Variants in DEF6 observed in about 807,000 individuals in gnomAD.
DEF6 encodes differentially expressed in FDCP 6 homolog.
DEF6 carries 32 observed loss-of-function variants against 80.5 expected under a neutral mutation model. The ratio of observed to expected loss-of-function variants is 0.40; its 90% CI spans 0.30 to 0.53. The LOEUF (loss-of-function observed/expected upper bound fraction) is 0.53. Ranked by LOEUF, DEF6 falls within the 20% of genes least tolerant of loss-of-function variation. The pLI is 0.57. For synonymous variants in DEF6, 300 were observed against 337.9 expected (o/e 0.89, Z 1.23); for missense variants, 575 against 818.7 (o/e 0.70, Z 3.63).
chr6:35,310,746 T>C, intron 3 of DEF6, 102 bp downstream of exon 3: 1 of 1,226,656 alleles, frequency 8.2e-7, no homozygotes, highest in Non-Finnish European at 1.2e-6. Flanking sequence ...CATATCCCCT[T>C]TCTTTCTTTA....
intron 5 of DEF6, among the ~76,000 whole-genome samples, chr6:35,317,376 G>T (rs1381881787): frequency 3.3e-5 from 5 of 152,180 alleles, no homozygotes; most frequent in Admixed American, 6.5e-5. Flanking sequence ...TAAAATACTA[G>T]TACAGACTCT....
intron 9 of DEF6, 95 bp from the exon 10 acceptor site, chr6:35,320,789 G>T: frequency 1.9e-6 from 2 of 1,051,034 alleles, no homozygotes; most frequent in Non-Finnish European, 1.4e-6. Context: ...CAGTAGTCTT[G>T]GTCAGATTTT....
chr6:35,318,488 GCGC>G lies in DEF6; in HGVS notation c.1215+20_1215+22del. On this transcript the variant is annotated intron_variant, in intron 7 of 10. Coordinates refer to ENST00000316637, the MANE Select transcript of DEF6 (RefSeq NM_022047.4). This position sits in a 1 kb window ranked among gnomAD's most constrained non-coding sequence, Gnocchi z 5.1. Reference sequence around the variant, plus strand: ...GCGGAGCAGGTGGGGTTAGCTCCCGGCGCCGGGGACGGGACCGGTGGGCTGGGA... The same window carrying G: ...GCGGAGCAGGTGGGGTTAGCTCCCGGCGGGGACGGGACCGGTGGGCTGGGA... 1 of 1,382,858 alleles carries G rather than the reference GCGC, an allele frequency of 7.2e-7. No homozygotes were observed. Among genetic ancestry groups the G allele is most frequent in the Non-Finnish European group, 9.3e-7 (1 of 1,076,974 alleles). The allele number at this position is 1,382,858 out of a possible 1,614,324, so 85.7% of individuals were successfully genotyped here.
intron 1 of DEF6, among the ~76,000 whole-genome samples, chr6:35,300,930 A>C (rs979502823): frequency 7.9e-5 from 12 of 152,256 alleles, no homozygotes; most frequent in African/African-American, 2.9e-4. Context: ...CCCACTGACT[A>C]TCAGGCAGTG....
At chr6:35,316,381 G>A (rs1054214635) in intron 5 of DEF6, among the ~76,000 whole-genome samples, 1 of 152,058 alleles carries the variant, frequency 6.6e-6, no homozygotes, top group Non-Finnish European at 1.5e-5. Context: ...TTTCCAGTTT[G>A]GATGCCCTTC....
At chr6:35,298,040 C>A in intron 1 of DEF6, 88 bp downstream of exon 1, 1 of 1,176,216 alleles carries the variant, frequency 8.5e-7, no homozygotes, top group Non-Finnish European at 1.2e-6. Flanking sequence ...CACTGTGCCA[C>A]TCCAGGGGCA....
chr6:35,304,376 A>G (rs528971884), intron 1 of DEF6, among the ~76,000 whole-genome samples: 18 of 152,314 alleles, frequency 1.2e-4, no homozygotes, highest in African/African-American at 4.3e-4. Context: ...ATATTCCCTG[A>G]GAAGGTGTCA....
Position 35,318,180 on chromosome 6 carries a change from G to A in DEF6, c.924G>A (p.Gln308=). 6 of 1,562,450 alleles carry A rather than the reference G, an allele frequency of 3.8e-6. No homozygotes were observed. Among genetic ancestry groups the A allele is most frequent in the Non-Finnish European group, 5.2e-6 (6 of 1,156,248 alleles). Residue 308 remains glutamine (Q), a synonymous_variant, in exon 7 of 11, where the codon CAG becomes CAA. Coordinates refer to ENST00000316637, the MANE Select transcript of DEF6 (RefSeq NM_022047.4). The surrounding 1 kb of genome is among the most constrained non-coding windows in gnomAD (Gnocchi z 5.1). ...GCTCCCGCTCTTCGGCAGCCATCCAGATGGCGATCCGGCTGCAGGCCGAGG... is the reference window on the plus strand; with the variant it reads ...GCTCCCGCTCTTCGGCAGCCATCCAAATGGCGATCCGGCTGCAGGCCGAGG... ...RQRQEWTAAI[Q]MAIRLQAEGK...
rs150923352 is a variant in DEF6 at position 35,317,921 on chromosome 6, A to C, written c.838A>C (p.Met280Leu). 1 of 1,613,948 alleles carries C rather than the reference A, an allele frequency of 6.2e-7. No individual in the cohort carries two copies. The highest frequency in any genetic ancestry group is 1.1e-5 in the South Asian group (1 of 91,086). The stretch of plus-strand genomic sequence containing the variant: ...GCCAGACCGCGACGGAAAGCGCTGC[A>C]TGTTCTGTGTGAAGACAGCCAACCG... The part of the protein sequence containing the change: ...VLPDRDGKRC[M>L]FCVKTANRTY... Residue 280 changes from methionine (M) to leucine (L), a missense_variant, in exon 6 of 11, where the codon ATG becomes CTG. Physicochemically the swap from Met to Leu is conservative, Grantham distance 15. Coordinates refer to ENST00000316637, the MANE Select transcript of DEF6 (RefSeq NM_022047.4).
rs978324208 is a variant in DEF6 at position 35,318,631 on chromosome 6, G to A, written c.1215+160G>A. Among the ~76,000 whole-genome samples the A allele has an allele frequency of 6.6e-6, 1 of 152,156 alleles. No individual in the cohort carries two copies. The highest frequency in any genetic ancestry group is 2.4e-5 in the African/African-American group (1 of 41,424). On this transcript the variant is annotated intron_variant, in intron 7 of 10. Coordinates refer to ENST00000316637, the MANE Select transcript of DEF6 (RefSeq NM_022047.4). This position sits in a 1 kb window ranked among gnomAD's most constrained non-coding sequence, Gnocchi z 5.1. ...ATGAGGGATTGTTGGGACAGAGTCCGCGGGTTTGAAAAAGAGATTTGGGAT... is the reference window on the plus strand; with the variant it reads ...ATGAGGGATTGTTGGGACAGAGTCCACGGGTTTGAAAAAGAGATTTGGGAT...
At chr6:35,300,831 G>A (rs1791304820) in intron 1 of DEF6, among the ~76,000 whole-genome samples, 1 of 152,324 alleles carries the variant, frequency 6.6e-6, no homozygotes. Flanking sequence ...TGGGAATGAT[G>A]TGTGTCCTAC....
At chr6:35,304,916 G>C (rs1791369871) in intron 1 of DEF6, among the ~76,000 whole-genome samples, 1 of 150,830 alleles carries the variant, frequency 6.6e-6, no homozygotes, top group Non-Finnish European at 1.5e-5. Context: ...ATATTCTCCT[G>C]GTTTAAAAAA....
chr6:35,317,730 C>A, intron 5 of DEF6, 161 bp from the exon 6 acceptor site: 39 of 541,752 alleles, frequency 7.2e-5, no homozygotes, highest in Middle Eastern at 5.1e-4. Context: ...GGACTTAAGT[C>A]CCCCATAACT....
Position 35,312,598 on chromosome 6 carries a change from A to G in DEF6, c.661-28A>G, listed in dbSNP as rs750925849. 6.2e-7 allele frequency: 1 copy of G among 1,614,206 alleles called. No homozygotes were observed. The highest frequency in any genetic ancestry group is 8.5e-7 in the Non-Finnish European group (1 of 1,180,018). Reference sequence around the variant, plus strand: ...GGTGCAGGGCGAAGGGGGGCCTGGGAAGCCTCTGACGTAACTCCGGCTGGC... The same window carrying G: ...GGTGCAGGGCGAAGGGGGGCCTGGGGAGCCTCTGACGTAACTCCGGCTGGC... On this transcript the variant is annotated intron_variant, in intron 4 of 10. Coordinates refer to ENST00000316637, the MANE Select transcript of DEF6 (RefSeq NM_022047.4). The surrounding 1 kb of genome is among the most constrained non-coding windows in gnomAD (Gnocchi z 6.6).
chr6:35,310,299 C>G (rs1791446526), intron 2 of DEF6, among the ~76,000 whole-genome samples, 160 bp from the exon 3 acceptor site: 1 of 152,074 alleles, frequency 6.6e-6, no homozygotes. Context: ...TTGGAACCAG[C>G]TAGTTACCTG....
chr6:35,319,728 C>T lies in DEF6; in HGVS notation c.1382+38C>T. Reference sequence around the variant, plus strand: ...AACCTCTTCTGGTTCTCTCACCACCCCTCCTGGAACACACCCCAGTTTTCC... The same window carrying T: ...AACCTCTTCTGGTTCTCTCACCACCTCTCCTGGAACACACCCCAGTTTTCC... On this transcript the variant is annotated intron_variant, in intron 8 of 10. Transcript: ENST00000316637. This position sits in a 1 kb window ranked among gnomAD's most constrained non-coding sequence, Gnocchi z 4.5. The T allele has an allele frequency of 6.2e-7, 1 of 1,607,676 alleles. No homozygotes were observed. Among genetic ancestry groups the T allele is most frequent in the Non-Finnish European group, 8.5e-7 (1 of 1,175,422 alleles).
chr6:35,312,822 C>T lies in DEF6; in HGVS notation c.807+50C>T. The stretch of plus-strand genomic sequence containing the variant: ...GACATCTCAGGGCCCAGAGTGTCCT[C>T]AGGGGCATGAGAAGACAAGGGGGTC... On this transcript the variant is annotated intron_variant, in intron 5 of 10. Coordinates refer to ENST00000316637, the MANE Select transcript of DEF6 (RefSeq NM_022047.4). The surrounding 1 kb of genome is among the most constrained non-coding windows in gnomAD (Gnocchi z 6.6). The T allele has an allele frequency of 1.3e-6, 2 of 1,561,386 alleles. No individual in the cohort carries two copies. Among genetic ancestry groups the T allele is most frequent in the Non-Finnish European group, 1.7e-6 (2 of 1,150,106 alleles).
rs1345151788 is a variant in DEF6 at position 35,319,716 on chromosome 6, T to G, written c.1382+26T>G. On this transcript the variant is annotated intron_variant, in intron 8 of 10. Transcript: ENST00000316637. This position sits in a 1 kb window ranked among gnomAD's most constrained non-coding sequence, Gnocchi z 4.5. ...GTAGGCCTGAGGAACCTCTTCTGGTTCTCTCACCACCCCTCCTGGAACACA... is the reference window on the plus strand; with the variant it reads ...GTAGGCCTGAGGAACCTCTTCTGGTGCTCTCACCACCCCTCCTGGAACACA... 1.9e-6 allele frequency: 3 copies of G among 1,607,250 alleles called. No individual in the cohort carries two copies. The highest frequency in any genetic ancestry group is 1.3e-5 in the African/African-American group (1 of 74,692).
chr6:35,312,451 C>G lies in DEF6; in HGVS notation c.573C>G (p.Gly191=), dbSNP rs941634967. The G allele has an allele frequency of 1.4e-5, 23 of 1,614,036 alleles. No homozygotes were observed. In the African/African-American group the frequency reaches 1.5e-4, roughly 10 times the overall value. The change falls in exon 4 of 11, where the codon GGC becomes GGG. Residue 191 remains glycine (G), a synonymous_variant. Coordinates refer to ENST00000316637, the MANE Select transcript of DEF6 (RefSeq NM_022047.4). This position sits in a 1 kb window ranked among gnomAD's most constrained non-coding sequence, Gnocchi z 6.6. ...AGTTCCTGGAGCTCTTCAATTCGGG[C>G]CGCTGCCTGCGGGGCGTGGGCCGGG... ...VWQFLELFNS[G]RCLRGVGRDT...
Sources: allele counts gnomAD v4.1 joint callset (sites outside exome capture counted in the v4.1 genomes callset), GRCh38; gene constraint gnomAD v4.1.1; non-coding constraint Gnocchi (gnomAD v3.1); transcripts MANE v1.5; gene names NCBI Gene and HGNC (gene_info 2026-07-23, HGNC 2026-07-21).